Variants in MED13L observed in about 807,000 individuals in gnomAD.
MED13L encodes the protein mediator complex subunit 13L.
Under a neutral mutation model 220.9 loss-of-function variants are expected in MED13L, and 7 were observed. The ratio of observed to expected loss-of-function variants is 0.03; its 90% CI spans 0.02 to 0.06. The LOEUF (loss-of-function observed/expected upper bound fraction) is 0.06. Ranked by LOEUF, MED13L falls within the 10% of genes least tolerant of loss-of-function variation. The pLI, the probability that MED13L is intolerant of heterozygous loss-of-function variation, is 1.00. For missense variants in MED13L, 1,965 were observed against 2,760.5 expected (o/e 0.71, Z 6.46); for synonymous variants, 1,011 against 1,015.2 (o/e 1.00, Z 0.08).
At chr12:116,259,495 T>C (rs759401851) in intron 1 of MED13L, among the ~76,000 whole-genome samples, 6 of 152,162 alleles carry the variant, frequency 3.9e-5, no homozygotes, top group African/African-American at 7.2e-5. Context: ...AATTAAAGAA[T>C]GATACACATG....
intron 4 of MED13L, among the ~76,000 whole-genome samples, chr12:116,056,929 A>C (rs1334648947): frequency 6.6e-6 from 1 of 152,204 alleles, no homozygotes; most frequent in Non-Finnish European, 1.5e-5. Context: ...GTCTACCTCA[A>C]AAGATTTACT....
rs1877399924 is a variant in MED13L, at chr12:115,982,540, G to A, written c.5019C>T (p.His1673=). 7 of 1,614,160 alleles carry A rather than the reference G, an allele frequency of 4.3e-6. No individual in the cohort carries two copies. Among genetic ancestry groups the A allele is most frequent in the East Asian group, 4.5e-5 (2 of 44,866 alleles). ...TEPDSADSHA[H]PPAVVIYMVD... ...CCATGTAAATGACAACAGCTGGAGG[G>A]TGGGCATGGCTGTCTGCAGAGTCAG... Residue 1673 remains histidine, a synonymous_variant, in exon 22 of 31, where the codon CAC becomes CAT. Coordinates refer to ENST00000281928, the MANE Select transcript of MED13L (RefSeq NM_015335.5).
At chr12:116,102,730 T>C (rs1873194079) in intron 3 of MED13L, among the ~76,000 whole-genome samples, 1 of 123,742 alleles carries the variant, frequency 8.1e-6, no homozygotes, top group African/African-American at 3.0e-5. Flanking sequence ...TTTTTTTTTT[T>C]TTTTTTTTTG....
chr12:116,232,337 A>G (rs1192209295), intron 2 of MED13L, among the ~76,000 whole-genome samples: 1 of 152,236 alleles, frequency 6.6e-6, no homozygotes, highest in Non-Finnish European at 1.5e-5. Flanking sequence ...AATCAAAAAA[A>G]GAGACAACAT....
At chr12:116,271,516 C>T (rs1036929861) in intron 1 of MED13L, among the ~76,000 whole-genome samples, 6 of 151,638 alleles carry the variant, frequency 4.0e-5, no homozygotes, top group African/African-American at 1.5e-4. Context: ...ATGGCGTGAA[C>T]CCGGGAGGCT....
At chr12:116,085,558 T>A (rs1871586052) in intron 4 of MED13L, among the ~76,000 whole-genome samples, 1 of 152,168 alleles carries the variant, frequency 6.6e-6, no homozygotes, top group South Asian at 2.1e-4. Flanking sequence ...GAAAAGTATG[T>A]CCTATTCAGT....
At chr12:116,233,117 A>C (rs1165539169) in intron 2 of MED13L, among the ~76,000 whole-genome samples, 1 of 151,578 alleles carries the variant, frequency 6.6e-6, no homozygotes, top group Non-Finnish European at 1.5e-5. Flanking sequence ...AAAAGTAAGA[A>C]GTATTTGTTT....
intron 3 of MED13L, among the ~76,000 whole-genome samples, chr12:116,098,478 C>G (rs561793935): frequency 6.6e-6 from 1 of 152,116 alleles, no homozygotes; most frequent in Non-Finnish European, 1.5e-5. Context: ...CATATTGAGG[C>G]AATTCTGCAC....
intron 1 of MED13L, among the ~76,000 whole-genome samples, chr12:116,275,400 T>C (rs1211386913): frequency 6.6e-6 from 1 of 152,194 alleles, no homozygotes; most frequent in Non-Finnish European, 1.5e-5. Context: ...TGGATTAAAA[T>C]ATTTCATTTA....
At chr12:116,235,925 AG>A (rs1333376012) in intron 2 of MED13L, among the ~76,000 whole-genome samples, 1 of 152,222 alleles carries the variant, frequency 6.6e-6, no homozygotes, top group Non-Finnish European at 1.5e-5. Context: ...ACAGAGAAAC[AG>A]AAGATGACAG....
At chr12:115,961,655 G>A (rs966654840) in intron 30 of MED13L, 1 of 517,620 alleles carries the variant, frequency 1.9e-6, no homozygotes, top group Non-Finnish European at 3.5e-6. Context: ...TGGACTGCAG[G>A]TAAAGTAGGC....
At chr12:116,167,258 G>T (rs1565909215) in intron 2 of MED13L, among the ~76,000 whole-genome samples, 1 of 151,988 alleles carries the variant, frequency 6.6e-6, no homozygotes, top group Non-Finnish European at 1.5e-5. Flanking sequence ...TGGAATTGTT[G>T]GCAAGATTAA....
chr12:116,007,249 A>C (rs149764058), intron 11 of MED13L, 162 bp downstream of exon 11: 1 of 708,050 alleles, frequency 1.4e-6, no homozygotes, highest in South Asian at 1.6e-5. Context: ...AAAAAGGAAC[A>C]ATACGCTGTT....
chr12:116,111,675 A>G (rs1874104980), intron 2 of MED13L, among the ~76,000 whole-genome samples, 163 bp from the exon 3 acceptor site: 1 of 152,168 alleles, frequency 6.6e-6, no homozygotes, highest in Non-Finnish European at 1.5e-5. Context: ...TATTTGCCCA[A>G]AGTTAGAAAA....
At chr12:116,206,213 T>C (rs1468106581) in intron 2 of MED13L, among the ~76,000 whole-genome samples, 3 of 151,542 alleles carry the variant, frequency 2.0e-5, no homozygotes, top group African/African-American at 7.3e-5. Context: ...CCTAAGTAGC[T>C]GGGACTACAG....
intron 2 of MED13L, among the ~76,000 whole-genome samples, chr12:116,120,477 T>TCACACACACACACA (rs1158069310): frequency 2.5e-5 from 2 of 79,428 alleles, no homozygotes; most frequent in Non-Finnish European, 4.7e-5. Context: ...TCTCTCTCTC[T>TCACACACACACACA]CACACACACA....
At chr12:116,017,924 ACTTTT>A (rs1047708299) in intron 7 of MED13L, among the ~76,000 whole-genome samples, 5 of 151,120 alleles carry the variant, frequency 3.3e-5, no homozygotes, top group Non-Finnish European at 7.4e-5. Flanking sequence ...CCTTGGATGT[ACTTTT>A]CTTTTCTTCT....
At chr12:116,178,268 TCAAC>T (rs1445645178) in intron 2 of MED13L, among the ~76,000 whole-genome samples, 1 of 152,214 alleles carries the variant, frequency 6.6e-6, no homozygotes, top group Non-Finnish European at 1.5e-5. Context: ...TCTCTGATAC[TCAAC>T]CAAAGACTGG....
At chr12:116,153,091 G>C (rs1382867719) in intron 2 of MED13L, among the ~76,000 whole-genome samples, 1 of 152,162 alleles carries the variant, frequency 6.6e-6, no homozygotes, top group Non-Finnish European at 1.5e-5. Context: ...GTGAGGCTCA[G>C]AATTCTCCAA....
Sources: gnomAD v4.1 joint callset for allele counts (sites outside exome capture counted in the v4.1 genomes callset) on GRCh38, gnomAD v4.1.1 for gene constraint, MANE v1.5 for transcripts, NCBI Gene and HGNC (gene_info 2026-07-23, HGNC 2026-07-21) for gene names.